The following LYZL4 variants were observed in gnomAD, a reference collection of about 807,000 sequenced individuals.
The protein encoded by LYZL4 is lysozyme-like protein 4.
Under a neutral mutation model 17.6 loss-of-function variants are expected in LYZL4, and 13 were observed. That is an observed-to-expected ratio of 0.74 (90% CI 0.48 to 1.18). The LOEUF is 1.18. LYZL4 is among the 50% of genes most tolerant of loss of function. LYZL4 has a pLI of 0.00. For missense variants in LYZL4, 174 were observed against 188.2 expected (o/e 0.92, Z 0.44); for synonymous variants, 64 against 67.7 (o/e 0.95, Z 0.27).
intron 4 of LYZL4, among the ~76,000 whole-genome samples, chr3:42,403,708 A>G (rs1698699994): frequency 2.6e-5 from 4 of 152,376 alleles, no homozygotes; most frequent in African/African-American, 9.6e-5. Context: ...CAAGAACCTT[A>G]AACGTATTCA....
the LYZL4 span, among the ~76,000 whole-genome samples, chr3:42,370,612 C>T: frequency 1.3e-5 from 2 of 152,196 alleles, no homozygotes; most frequent in African/African-American, 4.8e-5. Flanking sequence ...ATTTGTTAGG[C>T]AGCTTTATTG....
the LYZL4 span, among the ~76,000 whole-genome samples, chr3:42,362,990 T>A: frequency 1.0e-3 from 153 of 152,290 alleles, no homozygotes; most frequent in African/African-American, 3.4e-3. Flanking sequence ...ATTGTTTAAC[T>A]GAGATCCAGT....
chr3:42,383,006 G>C, the LYZL4 span, among the ~76,000 whole-genome samples: 1 of 152,032 alleles, frequency 6.6e-6, no homozygotes, highest in Non-Finnish European at 1.5e-5. Flanking sequence ...CTGCCTAAGA[G>C]TCAGTTAGGC....
the LYZL4 span, among the ~76,000 whole-genome samples, chr3:42,376,084 C>T: frequency 0.48 from 72,845 of 151,938 alleles, 18,262 homozygotes; most frequent in African/African-American, 0.63. Context: ...CACATAAGGG[C>T]GACTAAAACA....
At chr3:42,396,238 C>T (rs560592014), downstream of LYZL4, among the ~76,000 whole-genome samples, 2 of 152,278 alleles carry the variant, frequency 1.3e-5, no homozygotes, top group East Asian at 3.9e-4. Flanking sequence ...TAGTTCTTTT[C>T]TTCCTGTATG....
the LYZL4 span, among the ~76,000 whole-genome samples, chr3:42,382,969 G>T: frequency 6.6e-6 from 1 of 151,982 alleles, no homozygotes; most frequent in Non-Finnish European, 1.5e-5. Context: ...GGCAGTGAGG[G>T]TAAAGCGAGG....
chr3:42,392,867 GT>G (rs1179536323), downstream of LYZL4, among the ~76,000 whole-genome samples: 1 of 152,188 alleles, frequency 6.6e-6, no homozygotes, highest in Non-Finnish European at 1.5e-5. Context: ...AGGTGGTGGA[GT>G]TACTAGTAAT....
intron 1 of LYZL4, among the ~76,000 whole-genome samples, chr3:42,409,589 C>T (rs1698827670): frequency 6.6e-6 from 1 of 152,208 alleles, no homozygotes; most frequent in African/African-American, 2.4e-5. Flanking sequence ...ATCTACAGTT[C>T]TTCCAGAACC....
chr3:42,394,979 A>G (rs1698532010), downstream of LYZL4, among the ~76,000 whole-genome samples: 1 of 152,158 alleles, frequency 6.6e-6, no homozygotes, highest in Non-Finnish European at 1.5e-5. Context: ...TCCCAGCTCA[A>G]TAAAAAAGTT....
chr3:42,406,347 G>A (rs984527775), intron 3 of LYZL4, among the ~76,000 whole-genome samples: 7 of 151,390 alleles, frequency 4.6e-5, no homozygotes, highest in Non-Finnish European at 1.0e-4. Flanking sequence ...CCAGCTACTC[G>A]GGAGGCTGAG....
intron 1 of LYZL4, among the ~76,000 whole-genome samples, chr3:42,408,385 C>A (rs1185561396): frequency 6.6e-6 from 1 of 152,198 alleles, no homozygotes; most frequent in Non-Finnish European, 1.5e-5. Context: ...CTCCAGGGAG[C>A]TGTGCCCTCA....
the LYZL4 span, among the ~76,000 whole-genome samples, chr3:42,384,013 A>G: frequency 6.6e-6 from 1 of 152,210 alleles, no homozygotes. Context: ...TGAAAGCCCC[A>G]TTATATTGGA....
chr3:42,408,653 G>T (rs1416507038), intron 1 of LYZL4, among the ~76,000 whole-genome samples: 1 of 152,024 alleles, frequency 6.6e-6, no homozygotes, highest in Non-Finnish European at 1.5e-5. Context: ...CTTCCTCCTG[G>T]AATACCCCAT....
the LYZL4 span, among the ~76,000 whole-genome samples, chr3:42,373,215 A>T: frequency 6.6e-6 from 1 of 152,124 alleles, no homozygotes; most frequent in African/African-American, 2.4e-5. Context: ...GTCTCAAAAT[A>T]AAAACAAAAA....
chr3:42,406,225 G>A (rs1419826557), intron 3 of LYZL4, among the ~76,000 whole-genome samples: 1 of 152,068 alleles, frequency 6.6e-6, no homozygotes, highest in Non-Finnish European at 1.5e-5. Context: ...AGGCCGAGAC[G>A]GGCAGATCAC....
the LYZL4 span, among the ~76,000 whole-genome samples, chr3:42,365,221 C>G: frequency 1.3e-5 from 2 of 152,070 alleles, no homozygotes; most frequent in African/African-American, 4.8e-5. Context: ...AAAAATTTAT[C>G]TAAATATAAG....
the LYZL4 span, among the ~76,000 whole-genome samples, chr3:42,371,533 C>T: frequency 6.6e-6 from 1 of 152,164 alleles, no homozygotes; most frequent in Non-Finnish European, 1.5e-5. Flanking sequence ...TGAAACATAG[C>T]CATGATTTTT....
At chr3:42,364,767 C>T in the LYZL4 span, among the ~76,000 whole-genome samples, 78 of 152,304 alleles carry the variant, frequency 5.1e-4, 1 homozygote, top group Admixed American at 4.3e-3. Flanking sequence ...AGCCACCACG[C>T]CCAGCCTCAG....
downstream of LYZL4, among the ~76,000 whole-genome samples, chr3:42,395,780 T>C (rs1698541945): frequency 6.6e-6 from 1 of 152,152 alleles, no homozygotes; most frequent in Non-Finnish European, 1.5e-5. Context: ...CCTAAAGATC[T>C]AACATGGCCA....
Sources: gnomAD v4.1 joint callset for allele counts (sites outside exome capture counted in the v4.1 genomes callset) on GRCh38, gnomAD v4.1.1 for gene constraint, MANE v1.5 for transcripts, NCBI Gene and HGNC (gene_info 2026-07-23, HGNC 2026-07-21) for gene names.